S100PBP: variants seen among roughly 807,000 people sequenced by gnomAD.
S100PBP encodes the protein S100P-binding protein.
In S100PBP, 15 loss-of-function variants were observed where a neutral mutation model predicts 39.9. The observed-to-expected ratio is 0.38, with a 90% CI of 0.25 to 0.58. The LOEUF (loss-of-function observed/expected upper bound fraction) is 0.58. Ranked by LOEUF, S100PBP falls within the 20% of genes least tolerant of loss-of-function variation. The pLI, the probability that S100PBP is intolerant of heterozygous loss-of-function variation, is 0.70. For synonymous variants in S100PBP, 178 were observed against 180.3 expected (o/e 0.99, Z 0.10); for missense variants, 504 against 487.3 (o/e 1.03, Z -0.32).
chr1:32,833,422 C>T (rs530260023), intron 5 of S100PBP, among the ~76,000 whole-genome samples: 4 of 149,470 alleles, frequency 2.7e-5, no homozygotes, highest in South Asian at 2.1e-4. Flanking sequence ...AGTGCAGTGG[C>T]GCGATCTCGG....
Position 32,826,240 on chromosome 1 carries a change from T to A in S100PBP, c.141T>A (p.Asp47Glu), listed in dbSNP as rs1377143676. The change falls in exon 3 of 7, where the codon GAT becomes GAA. Residue 47 changes from aspartate to glutamate, a missense_variant. Coordinates refer to ENST00000373475, the MANE Select transcript of S100PBP (RefSeq NM_022753.4). ...TGGAGCTGTCAGAGGGAGAAGAAGA[T>A]GATGGTGATGTAAATTACACAGAGG... is the stretch of plus-strand genomic sequence containing the variant. ...SLLELSEGEEDDGDVNYTEEE... is the reference protein window; with the variant it reads ...SLLELSEGEEEDGDVNYTEEE... 1 of 1,614,096 alleles carries A rather than the reference T, an allele frequency of 6.2e-7. No individual in the cohort carries two copies. Among genetic ancestry groups the A allele is most frequent in the East Asian group, 2.2e-5 (1 of 44,882 alleles).
chr1:32,847,784 T>G (rs1640443413), intron 5 of S100PBP: 1 of 152,184 alleles, frequency 6.6e-6, no homozygotes, highest in Non-Finnish European at 1.5e-5. Flanking sequence ...TTTATTAATC[T>G]ATTTATAAAA....
chr1:32,832,247 A>G (rs1328184635), intron 5 of S100PBP, among the ~76,000 whole-genome samples: 1 of 150,294 alleles, frequency 6.7e-6, no homozygotes, highest in Non-Finnish European at 1.5e-5. Context: ...AGTTGCTGTT[A>G]CCAGCAAGAA....
At chr1:32,821,613 C>T (rs899643476) in intron 1 of S100PBP, among the ~76,000 whole-genome samples, 2 of 150,842 alleles carry the variant, frequency 1.3e-5, no homozygotes, top group African/African-American at 4.9e-5. Flanking sequence ...AGCCACTGCG[C>T]CTGGCCTGTT....
intron 5 of S100PBP, among the ~76,000 whole-genome samples, chr1:32,846,577 CTT>C (rs1640388669): frequency 1.3e-5 from 2 of 151,586 alleles, no homozygotes; most frequent in South Asian, 4.2e-4. Flanking sequence ...GCCTATACCT[CTT>C]TGTTGTATTT....
At chr1:32,837,772 C>T (rs116311246) in intron 5 of S100PBP, among the ~76,000 whole-genome samples, 233 of 151,974 alleles carry the variant, frequency 1.5e-3, no homozygotes, top group African/African-American at 5.2e-3. Flanking sequence ...AGTCTGGCTT[C>T]TTTGTCTCAA....
chr1:32,829,319 CT>C (rs558107637), intron 4 of S100PBP, among the ~76,000 whole-genome samples: 110 of 152,324 alleles, frequency 7.2e-4, no homozygotes, highest in African/African-American at 2.5e-3. Context: ...TCCCATTTAA[CT>C]TTTCAGTTTC....
Position 32,826,244 on chromosome 1 carries a change from G to A in S100PBP, c.145G>A (p.Gly49Ser). The change falls in exon 3 of 7, where the codon GGT becomes AGT. Residue 49 changes from glycine to serine, a missense_variant. Physicochemically the swap from Gly to Ser is moderately conservative, Grantham distance 56. Coordinates refer to ENST00000373475, the MANE Select transcript of S100PBP (RefSeq NM_022753.4). ...GCTGTCAGAGGGAGAAGAAGATGAT[G>A]GTGATGTAAATTACACAGAGGAAGA... ...LELSEGEEDD[G>S]DVNYTEEEID... 6.2e-7 allele frequency: 1 copy of A among 1,614,112 alleles called. No individual in the cohort carries two copies. The highest frequency in any genetic ancestry group is 1.3e-5 in the African/African-American group (1 of 75,030).
intron 5 of S100PBP, chr1:32,835,692 A>G (rs1281972223): frequency 6.6e-6 from 1 of 152,088 alleles, no homozygotes; most frequent in Admixed American, 6.6e-5. Flanking sequence ...GTTTAGTATA[A>G]TGTCTTCAAG....
chr1:32,858,761 G>A lies in S100PBP; in HGVS notation c.*2723G>A, dbSNP rs917977529. 9 of 152,112 alleles carry A rather than the reference G, an allele frequency of 5.9e-5. No individual in the cohort carries two copies. Among genetic ancestry groups the A allele is most frequent in the African/African-American group, 1.5e-4 (6 of 41,378 alleles). 9.4% of individuals were successfully genotyped at this position (152,112 alleles called of 1,614,324 possible). ...CGAATGCAGGCCCTGATTTACTGGC[G>A]TTGTCAGTTTCAATTATGAAACTGA... On this transcript the variant is annotated 3_prime_UTR_variant, in exon 7 of 7. Transcript: ENST00000373475.
intron 1 of S100PBP, among the ~76,000 whole-genome samples, chr1:32,824,559 GTA>G (rs1490211422): frequency 1.3e-5 from 2 of 150,638 alleles, no homozygotes; most frequent in African/African-American, 2.4e-5. Flanking sequence ...ATTTTTGTTT[GTA>G]TCTTTTTTTT....
chr1:32,833,375 T>C (rs961720360), intron 5 of S100PBP, among the ~76,000 whole-genome samples: 3 of 151,558 alleles, frequency 2.0e-5, no homozygotes, highest in Admixed American at 2.0e-4. Flanking sequence ...ATTTTCTTTT[T>C]TTTTTTTTTG....
intron 5 of S100PBP, among the ~76,000 whole-genome samples, chr1:32,841,258 T>G (rs1413068166): frequency 4.6e-5 from 7 of 152,142 alleles, no homozygotes; most frequent in Non-Finnish European, 8.8e-5. Flanking sequence ...CTTTGCCAGA[T>G]AAGTAATTTG....
intron 5 of S100PBP, among the ~76,000 whole-genome samples, chr1:32,842,149 C>A (rs1277879749): frequency 7.1e-6 from 1 of 141,684 alleles, no homozygotes; most frequent in African/African-American, 2.6e-5. Flanking sequence ...CCACTGCACT[C>A]CAGCCTGGGT....
In S100PBP at chr1:32,826,163, G is replaced by T. The variant is rs773727049; in HGVS notation, c.64G>T (p.Ala22Ser). The T allele has an allele frequency of 7.4e-6, 12 of 1,614,130 alleles. No homozygotes were observed. The highest frequency in any genetic ancestry group is 1.0e-5 in the Non-Finnish European group (12 of 1,180,008). Residue 22 changes from alanine to serine, a missense_variant, in exon 3 of 7, where the codon GCC (alanine) becomes TCC (serine). By Grantham distance (99) the Ala-to-Ser change is moderately conservative. Transcript: ENST00000373475. ...SGTSLLPKDGAPFSWDSLDED... is the reference protein window; with the variant it reads ...SGTSLLPKDGSPFSWDSLDED... The stretch of plus-strand genomic sequence containing the variant: ...TACCTCTCTCTTGCCTAAAGACGGT[G>T]CCCCATTTTCTTGGGATTCCTTGGA...
At position 32,858,705 on chromosome 1, in the gene S100PBP, C is replaced by T. The variant is rs907811940; in HGVS notation, c.*2667C>T. ...ATATGCTGTTTACATTGTTTACTTA[C>T]AAGTAAGGAGCCTGAAATAACCTGT... On this transcript the variant is annotated 3_prime_UTR_variant, in exon 7 of 7. Transcript: ENST00000373475. 2 of 152,176 alleles carry T rather than the reference C, an allele frequency of 1.3e-5. No homozygotes were observed. The highest frequency in any genetic ancestry group is 2.9e-5 in the Non-Finnish European group (2 of 68,032). The allele number at this position is 152,176 out of a possible 1,614,324, so 9.4% of individuals were successfully genotyped here. A position where few individuals can be genotyped will look rare whatever the true frequency, so the allele number is the denominator to read the frequency against.
intron 5 of S100PBP, chr1:32,834,913 G>C (rs1363508900): frequency 6.6e-6 from 1 of 152,262 alleles, no homozygotes; most frequent in Non-Finnish European, 1.5e-5. Flanking sequence ...GGCTGAGGCA[G>C]ATGGATCATC....
chr1:32,842,217 A>ATATG (rs1272830241), intron 5 of S100PBP, among the ~76,000 whole-genome samples: 1 of 66,474 alleles, frequency 1.5e-5, no homozygotes, highest in Non-Finnish European at 2.7e-5. Context: ...ATATATATAT[A>ATATG]TATGTATATA....
chr1:32,849,037 G>A (rs1640500193), intron 5 of S100PBP, among the ~76,000 whole-genome samples: 1 of 152,166 alleles, frequency 6.6e-6, no homozygotes, highest in Non-Finnish European at 1.5e-5. Flanking sequence ...GGAAGATGAG[G>A]TTCAAACTAT....
Sources: allele counts gnomAD v4.1 joint callset (sites outside exome capture counted in the v4.1 genomes callset), GRCh38; gene constraint gnomAD v4.1.1; transcripts MANE v1.5; gene names NCBI Gene and HGNC (gene_info 2026-07-23, HGNC 2026-07-21).